Variants in MYH11 observed in about 807,000 individuals in gnomAD.
MYH11 encodes myosin-11.
A neutral mutation model predicts 246.6 loss-of-function variants in MYH11; 80 were observed. The ratio of observed to expected loss-of-function variants is 0.32; its 90% CI spans 0.27 to 0.39. The LOEUF is 0.39. Among genes scored for constraint, MYH11 ranks in the 10% least tolerant of loss-of-function variants. The pLI is 1.00. For synonymous variants in MYH11, 1,071 were observed against 1,015.5 expected (o/e 1.05, Z -1.04); for missense variants, 2,158 against 2,546.8 (o/e 0.85, Z 3.29).
intron 19 of MYH11, 60 bp downstream of exon 19, chr16:15,747,510 A>G: frequency 6.2e-7 from 1 of 1,605,440 alleles, no homozygotes; most frequent in South Asian, 1.1e-5. Context: ...GAATCAGAAC[A>G]GAAAGGCCCC....
intron 3 of MYH11, among the ~76,000 whole-genome samples, chr16:15,807,109 A>G (rs1326237960): frequency 6.6e-6 from 1 of 152,140 alleles, no homozygotes; most frequent in Non-Finnish European, 1.5e-5. Context: ...CTACAGGTGC[A>G]TGCCACTACG....
In MYH11 at chr16:15,810,179, G is replaced by A. The variant is rs578034725; in HGVS notation, c.503-11492C>T. Among the ~76,000 whole-genome samples the A allele has an allele frequency of 9.9e-5, 15 of 151,474 alleles. No homozygotes were observed. The South Asian group carries it at 1.3e-3, about 13-fold the overall frequency. On this transcript the variant is annotated intron_variant, in intron 3 of 40. Transcript: ENST00000300036. ...CTCCCGAGTAGCTGGGATTATAGTCGCCCACCACCATGCCTGGCTAATTTT... is the reference window on the plus strand; with the variant it reads ...CTCCCGAGTAGCTGGGATTATAGTCACCCACCACCATGCCTGGCTAATTTT...
chr16:15,737,431 C>T lies in MYH11; in HGVS notation c.3293+18G>A, dbSNP rs777044901. The T allele has an allele frequency of 6.2e-7, 1 of 1,609,728 alleles. No homozygotes were observed. The highest frequency in any genetic ancestry group is 1.1e-5 in the South Asian group (1 of 91,056). Reference sequence around the variant, plus strand: ...GATACATGGACACACAGCAAATGCCCCTTGCCAGCCCCGCTACCTGGCCAG... The same window carrying T: ...GATACATGGACACACAGCAAATGCCTCTTGCCAGCCCCGCTACCTGGCCAG... On this transcript the variant is annotated intron_variant, in intron 25 of 40. Transcript: ENST00000300036.
At chr16:15,793,778 C>A (rs113170520) in intron 4 of MYH11, among the ~76,000 whole-genome samples, 7,204 of 148,576 alleles carry the variant, frequency 0.048, 423 homozygotes, top group African/African-American at 0.17. Context: ...CGCCACCATG[C>A]CCGGCTAATT....
chr16:15,784,916 C>A, intron 5 of MYH11: 1 of 596,696 alleles, frequency 1.7e-6, no homozygotes, highest in South Asian at 2.2e-5. Context: ...TCACTGCAGT[C>A]TCAACCTACT....
intron 5 of MYH11, 124 bp downstream of exon 5, chr16:15,786,506 C>T: frequency 1.0e-6 from 1 of 953,950 alleles, no homozygotes; most frequent in Non-Finnish European, 1.7e-6. Flanking sequence ...TTTGAGTCTT[C>T]AGGGGAGGGG....
chr16:15,738,793 CATT>C, intron 23 of MYH11, 105 bp from the exon 24 acceptor site: 1 of 1,333,046 alleles, frequency 7.5e-7, no homozygotes, highest in Non-Finnish European at 1.0e-6. Flanking sequence ...GAAAAACCCA[CATT>C]ATAACAAAAT....
At chr16:15,794,345 T>C (rs56003624) in intron 4 of MYH11, among the ~76,000 whole-genome samples, 4,771 of 152,328 alleles carry the variant, frequency 0.031, 127 homozygotes, top group Admixed American at 0.068. Context: ...TGTCAACTTG[T>C]AGGTCCTTCA....
chr16:15,737,993 G>A (rs2041171198), intron 24 of MYH11, among the ~76,000 whole-genome samples: 1 of 151,998 alleles, frequency 6.6e-6, no homozygotes, highest in East Asian at 1.9e-4. Context: ...TCACCATGTT[G>A]GCCAGGCTGG....
intron 4 of MYH11, among the ~76,000 whole-genome samples, chr16:15,794,244 C>A (rs944743948): frequency 6.6e-6 from 1 of 152,244 alleles, no homozygotes; most frequent in Non-Finnish European, 1.5e-5. Context: ...CAGTGCGCGG[C>A]CAATTTTCAG....
At chr16:15,763,741 T>TCCGGGCCCCCCCCCCCC in intron 10 of MYH11, 55 bp downstream of exon 10, 1 of 646,858 alleles carries the variant, frequency 1.5e-6, no homozygotes, top group Non-Finnish European at 2.9e-6. Context: ...AAATGTCACC[T>TCCGGGCCCCCCCCCCCC]CCCCCACCCC....
rs2039302940 is a variant in MYH11 at position 15,703,674 on chromosome 16, G to A, written c.*317C>T. 3 of 443,738 alleles carry A rather than the reference G, an allele frequency of 6.8e-6. No homozygotes were observed. The highest frequency in any genetic ancestry group is 2.0e-5 in the African/African-American group (1 of 50,890). The allele number at this position is 443,738 out of a possible 1,614,324, so 27.5% of individuals were successfully genotyped here. On this transcript the variant is annotated 3_prime_UTR_variant, in exon 41 of 41. Coordinates refer to ENST00000300036, the MANE Select transcript of MYH11 (RefSeq NM_002474.3). ...TGCAATTATAGCTCATTGCAGCCTC[G>A]AAGTCCTGGGCTGGAGCGTTCTTCC...
intron 26 of MYH11, among the ~76,000 whole-genome samples, chr16:15,734,749 A>AT (rs1242271698): frequency 6.6e-6 from 1 of 152,166 alleles, no homozygotes; most frequent in African/African-American, 2.4e-5. Flanking sequence ...AATTTGTAAA[A>AT]TTTTTTTAGT....
At chr16:15,791,672 A>ATTTTTTTTT (rs59126869) in intron 4 of MYH11, 1 of 132,152 alleles carries the variant, frequency 7.6e-6, no homozygotes, top group African/African-American at 2.8e-5. Flanking sequence ...ACCTTGTATG[A>ATTTTTTTTT]TTTTTTTTTT....
chr16:15,726,803 GCACCACCCAGCACTGCC>G, intron 28 of MYH11, 28 bp downstream of exon 28: 1 of 1,605,740 alleles, frequency 6.2e-7, no homozygotes, highest in South Asian at 1.1e-5. Context: ...ACAGAACTGG[GCACCACCCAGCACTGCC>G]CACCACACCA....
At chr16:15,713,609 C>T (rs2039945012) in intron 40 of MYH11, 1 of 152,274 alleles carries the variant, frequency 6.6e-6, no homozygotes, top group African/African-American at 2.4e-5. Flanking sequence ...GATCGTCCCA[C>T]CTCAGCCTCC....
chr16:15,775,503 C>T (rs1345514957), intron 8 of MYH11, among the ~76,000 whole-genome samples: 3 of 152,070 alleles, frequency 2.0e-5, no homozygotes, highest in Non-Finnish European at 4.4e-5. Context: ...TTATATATTG[C>T]CTGTGGCTGC....
rs977173338 is a variant in MYH11 at position 15,806,946 on chromosome 16, A to G, written c.503-8259T>C. Among the ~76,000 whole-genome samples the G allele has an allele frequency of 3.3e-5, 5 of 149,924 alleles. No individual in the cohort carries two copies. The East Asian group carries it at 7.8e-4, about 23-fold the overall frequency. On this transcript the variant is annotated intron_variant, in intron 3 of 40. Coordinates refer to ENST00000300036, the MANE Select transcript of MYH11 (RefSeq NM_002474.3). ...CCAGGTACCGAAAGCACAAAAGTCA[A>G]TAAGATCTGCTTTTTTTTTTCTTTT...
At chr16:15,731,385 G>A (rs2040956334) in intron 27 of MYH11, among the ~76,000 whole-genome samples, 1 of 152,150 alleles carries the variant, frequency 6.6e-6, no homozygotes, top group Non-Finnish European at 1.5e-5. Context: ...TAGGCACCTA[G>A]GACCTCAGTT....
Sources: allele counts gnomAD v4.1 joint callset (sites outside exome capture counted in the v4.1 genomes callset), GRCh38; gene constraint gnomAD v4.1.1; transcripts MANE v1.5; gene names NCBI Gene and HGNC (gene_info 2026-07-23, HGNC 2026-07-21).